The following ARHGEF1 variants were observed in gnomAD, a reference collection of about 807,000 sequenced individuals.
ARHGEF1 encodes the protein 115 kDa guanine nucleotide exchange factor.
In ARHGEF1, 40 loss-of-function variants were observed where a neutral mutation model predicts 119.7. The observed-to-expected ratio is 0.33, with a 90% CI of 0.26 to 0.44. The LOEUF (loss-of-function observed/expected upper bound fraction) is 0.44. Among genes scored for constraint, ARHGEF1 ranks in the 20% least tolerant of loss-of-function variants. ARHGEF1 has a pLI of 1.00. For synonymous variants in ARHGEF1, 494 were observed against 521.0 expected (o/e 0.95, Z 0.71); for missense variants, 976 against 1,268.3 (o/e 0.77, Z 3.50).
At chr19:41,924,878 G>C (rs1454319272) in intron 1 of ARHGEF1, among the ~76,000 whole-genome samples, 3 of 152,140 alleles carry the variant, frequency 2.0e-5, no homozygotes, top group Non-Finnish European at 4.4e-5. Context: ...AGATCTGAAG[G>C]TTTCTTCCTA....
intron 12 of ARHGEF1, among the ~76,000 whole-genome samples, chr19:41,895,972 A>G (rs538671986): frequency 6.6e-6 from 1 of 151,014 alleles, no homozygotes; most frequent in African/African-American, 2.4e-5. Flanking sequence ...CTTGGATATG[A>G]CTCCCCTTTC....
At chr19:41,912,482 C>T (rs1328997984) in intron 18 of ARHGEF1, among the ~76,000 whole-genome samples, 1 of 152,228 alleles carries the variant, frequency 6.6e-6, no homozygotes, top group African/African-American at 2.4e-5. Context: ...TCCATCCGTG[C>T]CTGGCCTAGT....
chr19:41,884,812 C>A (rs1166258639), intron 1 of ARHGEF1, among the ~76,000 whole-genome samples: 1 of 152,172 alleles, frequency 6.6e-6, no homozygotes, highest in Non-Finnish European at 1.5e-5. Flanking sequence ...CTATGGAATT[C>A]TGAGTCCCTT....
chr19:41,907,545 C>T (rs1363667901), downstream of ARHGEF1: 13 of 733,462 alleles, frequency 1.8e-5, no homozygotes, highest in East Asian at 1.8e-4. Flanking sequence ...TGTGCCTCTG[C>T]GCCTCCCTCC....
At chr19:41,899,729 G>A (rs868936957) in intron 14 of ARHGEF1, among the ~76,000 whole-genome samples, 2 of 151,574 alleles carry the variant, frequency 1.3e-5, no homozygotes, top group African/African-American at 4.8e-5. Context: ...GGCTGGTCTC[G>A]AACGCCCGCC....
Position 41,902,756 on chromosome 19 carries a change from C to T in ARHGEF1, c.1624-28C>T, listed in dbSNP as rs1416413899. Reference sequence around the variant, plus strand: ...CCTGGGGTGAGCCCAAAGCCTGGGCCATCGCAACACCAGCATGTTTCCCGC... The same window carrying T: ...CCTGGGGTGAGCCCAAAGCCTGGGCTATCGCAACACCAGCATGTTTCCCGC... On this transcript the variant is annotated intron_variant, in intron 17 of 28. Transcript: ENST00000354532. This position sits in a 1 kb window ranked among gnomAD's most constrained non-coding sequence, Gnocchi z 6.5. 2.7e-5 allele frequency: 44 copies of T among 1,613,046 alleles called. No individual in the cohort carries two copies. Among genetic ancestry groups the T allele is most frequent in the Non-Finnish European group, 3.6e-5 (43 of 1,179,770 alleles).
In ARHGEF1 at chr19:41,892,611, A is replaced by G. The variant is rs782272658; in HGVS notation, c.376A>G (p.Arg126Gly). 6.2e-7 allele frequency: 1 copy of G among 1,601,206 alleles called. No homozygotes were observed. Among genetic ancestry groups the G allele is most frequent in the Non-Finnish European group, 8.5e-7 (1 of 1,171,986 alleles). Residue 126 changes from arginine to glycine, a missense_variant, in exon 7 of 29, where the codon AGG becomes GGG. Arg to Gly is a moderately radical substitution (Grantham distance 125). Around this residue, in one of 3 missense-constraint regions of ARHGEF1, gnomAD observed 519 missense variants for 580.9 expected, o/e 0.89. Coordinates refer to ENST00000354532, the MANE Select transcript of ARHGEF1 (RefSeq NM_004706.4). The surrounding 1 kb of genome is among the most constrained non-coding windows in gnomAD (Gnocchi z 6.3). Reference sequence around the variant, plus strand: ...CATGTGTGTCCCTGCAGACCGCACTAGGGCTGACCTCATCTCCGAGGATGT... The same window carrying G: ...CATGTGTGTCCCTGCAGACCGCACTGGGGCTGACCTCATCTCCGAGGATGT... Reference protein sequence around the residue: ...PNVAFELDRTRADLISEDVQR... With the variant: ...PNVAFELDRTGADLISEDVQR...
At chr19:41,923,619 G>A (rs1050456771) in intron 1 of ARHGEF1, among the ~76,000 whole-genome samples, 18 of 129,738 alleles carry the variant, frequency 1.4e-4, no homozygotes, top group African/African-American at 4.9e-4. Flanking sequence ...ATGAAAGTGA[G>A]GGTGGGTGGA....
chr19:41,897,985 G>A, intron 13 of ARHGEF1: 2 of 1,325,078 alleles, frequency 1.5e-6, no homozygotes, highest in Non-Finnish European at 1.9e-6. Context: ...GCCTGCGGGT[G>A]AGTGACCGCC....
Position 41,906,131 on chromosome 19 carries a change from A to T in ARHGEF1, c.2491+106A>T. On this transcript the variant is annotated intron_variant, in intron 26 of 28. Transcript: ENST00000354532. The surrounding 1 kb of genome is among the most constrained non-coding windows in gnomAD (Gnocchi z 4.5). ...AAAAATTTCCTTACGCCCAGCTGCC[A>T]GAAAACAAATGCTCCAAACCCACCC... The T allele has an allele frequency of 8.6e-7, 1 of 1,160,182 alleles. No individual in the cohort carries two copies. Among genetic ancestry groups the T allele is most frequent in the Non-Finnish European group, 1.2e-6 (1 of 803,378 alleles). The allele number at this position is 1,160,182 out of a possible 1,614,324, so 71.9% of individuals were successfully genotyped here. A position where few individuals can be genotyped will look rare whatever the true frequency, so the allele number is the denominator to read the frequency against.
chr19:41,918,100 C>T (rs952094024), upstream of ARHGEF1, among the ~76,000 whole-genome samples: 2 of 151,996 alleles, frequency 1.3e-5, no homozygotes, highest in Non-Finnish European at 1.5e-5. Context: ...CCCCCCATCC[C>T]GGACGCCACC....
At chr19:41,908,798 C>A (rs782577363), downstream of ARHGEF1, 17 of 511,326 alleles carry the variant, frequency 3.3e-5, no homozygotes, top group Non-Finnish European at 4.8e-5. The surrounding 1 kb of genome is among the most constrained non-coding windows in gnomAD (Gnocchi z 6.7). Flanking sequence ...GCATCTTACC[C>A]CCTCATACAG....
In ARHGEF1 at chr19:41,904,068, G is replaced by A. The variant is rs1025676779; in HGVS notation, c.1951G>A (p.Glu651Lys). 2.5e-6 allele frequency: 4 copies of A among 1,614,038 alleles called. No individual in the cohort carries two copies. Among genetic ancestry groups the A allele is most frequent in the South Asian group, 1.1e-5 (1 of 91,076 alleles). ...CATCACCAAGAAGAAATTGGTCCAC[G>A]AGGGCCCACTGACGTGGCGGGTGAC... ...LDITKKKLVHEGPLTWRVTKD... is the reference protein window; with the variant it reads ...LDITKKKLVHKGPLTWRVTKD... The change falls in exon 21 of 29, where the codon GAG becomes AAG. Residue 651 changes from glutamate to lysine, a missense_variant. Physicochemically the swap from Glu to Lys is moderately conservative, Grantham distance 56. Coordinates refer to ENST00000354532, the MANE Select transcript of ARHGEF1 (RefSeq NM_004706.4). This position sits in a 1 kb window ranked among gnomAD's most constrained non-coding sequence, Gnocchi z 8.4.
intron 1 of ARHGEF1, chr19:41,884,314 C>A: frequency 8.7e-7 from 1 of 1,149,420 alleles, no homozygotes. Flanking sequence ...GTAGAGTCGT[C>A]GGGGCCGGAG....
upstream of ARHGEF1, among the ~76,000 whole-genome samples, chr19:41,919,247 AACAC>A (rs1192612347): frequency 2.3e-4 from 35 of 152,224 alleles, no homozygotes; most frequent in South Asian, 7.0e-3. Flanking sequence ...ACCCACAGAA[AACAC>A]ACAGAAGCAC....
intron 18 of ARHGEF1, among the ~76,000 whole-genome samples, chr19:41,913,905 T>C (rs1221740931): frequency 1.4e-5 from 2 of 141,354 alleles, no homozygotes; most frequent in African/African-American, 5.4e-5. Context: ...AGCCCCTCAC[T>C]GCCACCCTCA....
chr19:41,904,033 A>G lies in ARHGEF1; in HGVS notation c.1918-2A>G. 1 of 1,605,172 alleles carries G rather than the reference A, an allele frequency of 6.2e-7. No homozygotes were observed. The highest frequency in any genetic ancestry group is 8.5e-7 in the Non-Finnish European group (1 of 1,176,064). On this transcript the variant is annotated splice_acceptor_variant, in intron 20 of 28. Transcript: ENST00000354532. LOFTEE classifies it high-confidence loss of function. The surrounding 1 kb of genome is among the most constrained non-coding windows in gnomAD (Gnocchi z 8.4). ...ACAAACCATCACCCCCTCCTGCCCC[A>G]GAACCTGGACATCACCAAGAAGAAA...
downstream of ARHGEF1, among the ~76,000 whole-genome samples, chr19:41,911,980 C>G (rs1033431712): frequency 2.0e-5 from 3 of 151,970 alleles, no homozygotes; most frequent in African/African-American, 7.3e-5. Flanking sequence ...GCATCCCCCC[C>G]ACAGCCCCAA....
chr19:41,884,542 C>CTCCCT (rs782101793), intron 1 of ARHGEF1: 1 of 1,599,658 alleles, frequency 6.3e-7, no homozygotes, highest in South Asian at 1.1e-5. Flanking sequence ...TCTGCACGTC[C>CTCCCT]TCCCCGGCAT....
Sources: allele counts gnomAD v4.1 joint callset (sites outside exome capture counted in the v4.1 genomes callset), GRCh38; gene constraint gnomAD v4.1.1; regional missense constraint gnomAD v4.1.1; non-coding constraint Gnocchi (gnomAD v3.1); transcripts MANE v1.5; gene names NCBI Gene and HGNC (gene_info 2026-07-23, HGNC 2026-07-21).